Variants in SPIDR observed in about 807,000 individuals in gnomAD.
SPIDR encodes DNA repair-scaffolding protein.
Under a neutral mutation model 104.6 loss-of-function variants are expected in SPIDR, and 93 were observed. That is an observed-to-expected ratio of 0.89 (90% CI 0.75 to 1.06). SPIDR has a LOEUF of 1.06. Ranked by LOEUF, SPIDR falls within the 50% of genes least tolerant of loss-of-function variation. The pLI, the probability that SPIDR is intolerant of heterozygous loss-of-function variation, is 0.00. For synonymous variants in SPIDR, 431 were observed against 416.9 expected, an observed-to-expected ratio of 1.03 and a Z score of -0.41; for missense variants, 1,154 against 1,111.2, an observed-to-expected ratio of 1.04 and a Z score of -0.55.
intron 5 of SPIDR, among the ~76,000 whole-genome samples, chr8:47,391,803 T>C (rs1381269451): frequency 6.6e-6 from 1 of 151,970 alleles, no homozygotes; most frequent in Non-Finnish European, 1.5e-5. Context: ...GAGACCATCC[T>C]GGCTAACATG....
chr8:47,519,060 A>G (rs2083601841), intron 8 of SPIDR, among the ~76,000 whole-genome samples: 1 of 152,220 alleles, frequency 6.6e-6, no homozygotes, highest in Admixed American at 6.5e-5. Flanking sequence ...ATAATTTAAT[A>G]ATGCCAAGTA....
intron 5 of SPIDR, among the ~76,000 whole-genome samples, chr8:47,319,901 G>A (rs1417968616): frequency 6.6e-6 from 1 of 151,892 alleles, no homozygotes; most frequent in Admixed American, 6.6e-5. Flanking sequence ...AAACCAACGA[G>A]AGCAAAGACA....
intron 10 of SPIDR, among the ~76,000 whole-genome samples, chr8:47,632,320 A>C (rs1219329069): frequency 2.0e-5 from 3 of 152,144 alleles, no homozygotes; most frequent in Non-Finnish European, 4.4e-5. Context: ...GGCCTGGGCT[A>C]GGCTTGGCAA....
intron 5 of SPIDR, among the ~76,000 whole-genome samples, chr8:47,373,768 TC>T (rs1180627006): frequency 2.6e-5 from 4 of 152,214 alleles, no homozygotes; most frequent in East Asian, 3.9e-4. Flanking sequence ...AATGCAGTTT[TC>T]TGGCTTAAAA....
chr8:47,321,850 T>C (rs1159534868), intron 5 of SPIDR, among the ~76,000 whole-genome samples: 2 of 152,154 alleles, frequency 1.3e-5, no homozygotes, highest in African/African-American at 2.4e-5. Context: ...GGGAAAACGA[T>C]TCCCTATTTA....
intron 14 of SPIDR, among the ~76,000 whole-genome samples, chr8:47,706,695 A>G (rs1314731147): frequency 6.6e-6 from 1 of 152,202 alleles, no homozygotes; most frequent in Non-Finnish European, 1.5e-5. Context: ...TGGTTGTTAC[A>G]TGAATAGAAC....
At chr8:47,719,746 C>A (rs1458777590) in intron 16 of SPIDR, among the ~76,000 whole-genome samples, 1 of 151,986 alleles carries the variant, frequency 6.6e-6, no homozygotes, top group East Asian at 1.9e-4. Flanking sequence ...AGCCAGGGCC[C>A]CCACATCTCC....
intron 8 of SPIDR, among the ~76,000 whole-genome samples, chr8:47,496,953 C>G (rs2079556231): frequency 6.6e-6 from 1 of 151,860 alleles, no homozygotes; most frequent in African/African-American, 2.4e-5. Flanking sequence ...AGAAGTTTGT[C>G]CATTTTACTT....
chr8:47,735,969 G>T lies in SPIDR; in HGVS notation c.*519G>T. The T allele has an allele frequency of 4.6e-6, 1 of 215,558 alleles. No homozygotes were observed. Among genetic ancestry groups the T allele is most frequent in the Non-Finnish European group, 9.5e-6 (1 of 105,800 alleles). The allele number at this position is 215,558 out of a possible 1,614,324, so 13.4% of individuals were successfully genotyped here. ...TGTTCTAGGGAACTGTATCACAGGT[G>T]AAACTGTTACCCATAAAGTGTAGCT... On this transcript the variant is annotated 3_prime_UTR_variant, in exon 20 of 20. Transcript: ENST00000297423.
At chr8:47,285,929 G>A (rs1006628674) in intron 3 of SPIDR, among the ~76,000 whole-genome samples, 1 of 152,036 alleles carries the variant, frequency 6.6e-6, no homozygotes, top group South Asian at 2.1e-4. Context: ...TTTATCCTAC[G>A]GTTCCATTGG....
At chr8:47,653,055 C>T (rs1473957538) in intron 10 of SPIDR, among the ~76,000 whole-genome samples, 1 of 152,184 alleles carries the variant, frequency 6.6e-6, no homozygotes, top group Non-Finnish European at 1.5e-5. Context: ...TTCTCATTCT[C>T]CTTAGACTGT....
intron 5 of SPIDR, among the ~76,000 whole-genome samples, chr8:47,365,505 T>C (rs2154291957): frequency 6.6e-6 from 1 of 152,318 alleles, no homozygotes; most frequent in South Asian, 2.1e-4. Context: ...TTGCATTGCA[T>C]GGCAGTACCC....
At chr8:47,686,758 T>C (rs1284034267) in intron 11 of SPIDR, among the ~76,000 whole-genome samples, 2 of 152,206 alleles carry the variant, frequency 1.3e-5, no homozygotes, top group Non-Finnish European at 2.9e-5. Flanking sequence ...CCCCTGGCCC[T>C]CAAAATAAAA....
chr8:47,515,637 A>G (rs2083007360), intron 8 of SPIDR, among the ~76,000 whole-genome samples: 1 of 152,218 alleles, frequency 6.6e-6, no homozygotes, highest in African/African-American at 2.4e-5. Flanking sequence ...TCTCATTCCC[A>G]GTACTGTATG....
intron 5 of SPIDR, among the ~76,000 whole-genome samples, chr8:47,310,041 A>G (rs1554583977): frequency 1.3e-5 from 2 of 149,608 alleles, no homozygotes; most frequent in Non-Finnish European, 3.0e-5. Flanking sequence ...TCAAAAAACA[A>G]AGTAATAAGT....
intron 10 of SPIDR, among the ~76,000 whole-genome samples, chr8:47,647,629 AGAGAGAGAGAGAGAGAGAGAGAGAGG>A (rs1316951197): frequency 1.5e-4 from 22 of 143,530 alleles, no homozygotes; most frequent in African/African-American, 4.8e-4. Flanking sequence ...AGAGAGAGAG[AGAGAGAGAGAGAGAGAGAGAGAGAGG>A]GAGAGAGAGA....
intron 5 of SPIDR, among the ~76,000 whole-genome samples, chr8:47,315,293 C>T (rs1554588774): frequency 6.6e-6 from 1 of 151,846 alleles, no homozygotes; most frequent in Non-Finnish European, 1.5e-5. Flanking sequence ...GATATGCATA[C>T]CGAGATAAAT....
chr8:47,390,706 A>G (rs1421006705), intron 5 of SPIDR, among the ~76,000 whole-genome samples: 1 of 152,110 alleles, frequency 6.6e-6, no homozygotes, highest in Non-Finnish European at 1.5e-5. Context: ...AATATTTCAT[A>G]ATAAATAGTC....
intron 11 of SPIDR, among the ~76,000 whole-genome samples, chr8:47,699,004 G>T (rs2079748976): frequency 6.6e-6 from 1 of 152,142 alleles, no homozygotes; most frequent in Admixed American, 6.5e-5. Flanking sequence ...TCTGGAAAGG[G>T]TTGTTTATTT....
Sources: allele counts gnomAD v4.1 joint callset (sites outside exome capture counted in the v4.1 genomes callset), GRCh38; gene constraint gnomAD v4.1.1; transcripts MANE v1.5; gene names NCBI Gene and HGNC (gene_info 2026-07-23, HGNC 2026-07-21).